Variants in PSEN1 observed in about 807,000 individuals in gnomAD.
The protein encoded by PSEN1 is presenilin 1, also known as presenilin-1.
Under a neutral mutation model 53.5 loss-of-function variants are expected in PSEN1, and 15 were observed. The ratio of observed to expected loss-of-function variants is 0.28; its 90% CI spans 0.19 to 0.43. PSEN1 has a LOEUF of 0.43. Ranked by LOEUF, PSEN1 falls within the 20% of genes least tolerant of loss-of-function variation. The probability of loss-of-function intolerance (pLI) is 1.00; values close to 1 mark genes in which losing one functional copy is unlikely to be tolerated. For missense variants in PSEN1, 387 were observed against 571.2 expected (o/e 0.68, Z 3.29); for synonymous variants, 208 against 209.8 (o/e 0.99, Z 0.08).
At chr14:73,186,177 C>T (rs1222574952) in intron 5 of PSEN1, among the ~76,000 whole-genome samples, 4 of 151,972 alleles carry the variant, frequency 2.6e-5, no homozygotes, top group South Asian at 2.1e-4. Flanking sequence ...GTCGGGAGTT[C>T]GAGACCAGCC....
intron 1 of PSEN1, among the ~76,000 whole-genome samples, chr14:73,144,035 CTTTTTTTTTTTT>C (rs766901431): frequency 1.3e-4 from 8 of 59,490 alleles, no homozygotes; most frequent in Non-Finnish European, 1.8e-4. Context: ...TATAGCTTAT[CTTTTTTTTTTTT>C]TTTTTTTTTT....
At chr14:73,215,539 C>CT (rs1899878710) in intron 10 of PSEN1, among the ~76,000 whole-genome samples, 1 of 144,170 alleles carries the variant, frequency 6.9e-6, no homozygotes, top group South Asian at 2.2e-4. Context: ...GCCGAGATCA[C>CT]TTAAAAAAAA....
In PSEN1 at chr14:73,211,898, A is replaced by C. The variant is rs1302810284; in HGVS notation, c.1085A>C (p.Gln362Pro). The change falls in exon 10 of 12, where the codon CAG becomes CCG. Residue 362 changes from glutamine to proline, a missense_variant. Coordinates refer to ENST00000324501, the MANE Select transcript of PSEN1 (RefSeq NM_000021.4). ...RSTPESRAAV[Q>P]ELSSSILAGE... ...ACACCTGAGTCACGAGCTGCTGTCC[A>C]GGAACTTTCCAGCAGTATCCTCGCT... The C allele has an allele frequency of 6.2e-7, 1 of 1,613,880 alleles. No individual in the cohort carries two copies. The highest frequency in any genetic ancestry group is 2.2e-5 in the East Asian group (1 of 44,880).
chr14:73,152,598 G>A (rs61986878), intron 3 of PSEN1, among the ~76,000 whole-genome samples: 30,173 of 151,408 alleles, frequency 0.2, 3,135 homozygotes, highest in African/African-American at 0.27. Context: ...ACAGAGTGAG[G>A]CTGTCTCAAA....
intron 3 of PSEN1, among the ~76,000 whole-genome samples, chr14:73,160,522 G>A (rs757729385): frequency 3.3e-5 from 5 of 152,124 alleles, no homozygotes; most frequent in African/African-American, 4.8e-5. Flanking sequence ...CACCAACAAT[G>A]CATAGTGGTT....
At chr14:73,159,021 G>A (rs1897449205) in intron 3 of PSEN1, among the ~76,000 whole-genome samples, 1 of 152,096 alleles carries the variant, frequency 6.6e-6, no homozygotes, top group African/African-American at 2.4e-5. Flanking sequence ...TGACTTGTCT[G>A]TTCAAATCTC....
Position 73,145,283 on chromosome 14 carries a change from G to T in PSEN1, c.-135-2512G>T, listed in dbSNP as rs371489327. ...TTGTTTACTTGCTTTGCTTCTGAGG[G>T]ATTATATGAGAGTTCTATGGGTTTT... On this transcript the variant is annotated intron_variant, in intron 1 of 11. Coordinates refer to ENST00000324501, the MANE Select transcript of PSEN1 (RefSeq NM_000021.4). 1.2e-3 allele frequency among the ~76,000 whole-genome samples: 177 copies of T among 152,192 alleles called. 1 individual carries two copies. Among genetic ancestry groups the T allele is most frequent in the African/African-American group, 4.2e-3 (173 of 41,508 alleles).
In PSEN1 at chr14:73,223,127, A is replaced by G. The variant is rs1279288543; in HGVS notation, c.*3838A>G. 1 of 152,280 alleles carries G rather than the reference A, an allele frequency of 6.6e-6. No homozygotes were observed. The highest frequency in any genetic ancestry group is 2.4e-5 in the African/African-American group (1 of 41,472). The allele number at this position is 152,280 out of a possible 1,614,324, so 9.4% of individuals were successfully genotyped here. On this transcript the variant is annotated 3_prime_UTR_variant, in exon 12 of 12. Coordinates refer to ENST00000324501, the MANE Select transcript of PSEN1 (RefSeq NM_000021.4). ...TACCAACAAAGCTGTCATCGGGCTC[A>G]CAGCTCAGAGACATCTGCATGTGAT...
chr14:73,221,126 T>A lies in PSEN1; in HGVS notation c.*1837T>A, dbSNP rs1900110928. 1 of 152,202 alleles carries A rather than the reference T, an allele frequency of 6.6e-6. No individual in the cohort carries two copies. The allele number at this position is 152,202 out of a possible 1,614,324, so 9.4% of individuals were successfully genotyped here. ...TAGTGTGCGAGTACTGATCTGAATT[T>A]AAATTAAAATTGGCTTATATTAGGC... On this transcript the variant is annotated 3_prime_UTR_variant, in exon 12 of 12. Transcript: ENST00000324501.
At chr14:73,161,971 A>G (rs886550782) in intron 3 of PSEN1, among the ~76,000 whole-genome samples, 1 of 147,948 alleles carries the variant, frequency 6.8e-6, no homozygotes, top group Admixed American at 6.9e-5. Flanking sequence ...CCTGGCTAAC[A>G]TGGCGAAACC....
chr14:73,218,140 A>G (rs1899998712), intron 11 of PSEN1, among the ~76,000 whole-genome samples: 2 of 131,878 alleles, frequency 1.5e-5, no homozygotes, highest in Admixed American at 1.7e-4. Flanking sequence ...CGCCCAAACT[A>G]GAGTGCAGTG....
At chr14:73,164,937 C>G (rs1897662852) in intron 3 of PSEN1, among the ~76,000 whole-genome samples, 1 of 152,138 alleles carries the variant, frequency 6.6e-6, no homozygotes, top group African/African-American at 2.4e-5. Context: ...CTAACCAACA[C>G]TTCTGTCACA....
intron 3 of PSEN1, among the ~76,000 whole-genome samples, chr14:73,161,692 A>G (rs1897541811): frequency 6.6e-6 from 1 of 152,174 alleles, no homozygotes; most frequent in South Asian, 2.1e-4. Context: ...AATATTGGCA[A>G]CCAGGGAAGC....
At chr14:73,158,507 G>T (rs920716019) in intron 3 of PSEN1, among the ~76,000 whole-genome samples, 4 of 152,122 alleles carry the variant, frequency 2.6e-5, no homozygotes, top group Non-Finnish European at 4.4e-5. Context: ...TGTATTTGTA[G>T]TAGAGGCTAG....
At chr14:73,189,236 A>C (rs750657073) in intron 6 of PSEN1, among the ~76,000 whole-genome samples, 1 of 152,244 alleles carries the variant, frequency 6.6e-6, no homozygotes, top group Non-Finnish European at 1.5e-5. Flanking sequence ...ATGATTGTTT[A>C]CTTTGTTTTA....
At chr14:73,142,669 TC>T (rs1172234200) in intron 1 of PSEN1, among the ~76,000 whole-genome samples, 2 of 152,230 alleles carry the variant, frequency 1.3e-5, no homozygotes, top group African/African-American at 4.8e-5. Flanking sequence ...TGAACATTGC[TC>T]CTGTGATAAT....
At position 73,222,851 on chromosome 14, in the gene PSEN1, G is replaced by A. The variant is rs1259950053; in HGVS notation, c.*3562G>A. On this transcript the variant is annotated 3_prime_UTR_variant, in exon 12 of 12. Transcript: ENST00000324501. Reference sequence around the variant, plus strand: ...ACTCCTTCTCTAAATTTGCTGTTATGTCTATAAGGAACAGTTTGACCTGCC... The same window carrying A: ...ACTCCTTCTCTAAATTTGCTGTTATATCTATAAGGAACAGTTTGACCTGCC... The A allele has an allele frequency of 2.0e-5, 3 of 152,198 alleles. No individual in the cohort carries two copies. The highest frequency in any genetic ancestry group is 7.2e-5 in the African/African-American group (3 of 41,438). 9.4% of individuals were successfully genotyped at this position (152,198 alleles called of 1,614,324 possible). A position where few individuals can be genotyped will look rare whatever the true frequency, so the allele number is the denominator to read the frequency against.
chr14:73,183,048 T>A (rs1194284273), intron 5 of PSEN1, among the ~76,000 whole-genome samples: 1 of 152,108 alleles, frequency 6.6e-6, no homozygotes. Context: ...ACAGACAAGT[T>A]TTAAAGAGTG....
chr14:73,162,348 A>G (rs910100662), intron 3 of PSEN1, among the ~76,000 whole-genome samples: 5 of 152,074 alleles, frequency 3.3e-5, no homozygotes, highest in Non-Finnish European at 7.4e-5. Context: ...ACAGTGTGGT[A>G]AAGTAGGCAA....
Sources: allele counts gnomAD v4.1 joint callset (sites outside exome capture counted in the v4.1 genomes callset), GRCh38; gene constraint gnomAD v4.1.1; transcripts MANE v1.5; gene names NCBI Gene and HGNC (gene_info 2026-07-23, HGNC 2026-07-21).